GPC6: variants seen among roughly 807,000 people sequenced by gnomAD.
GPC6 encodes glypican-6.
A neutral mutation model predicts 55.2 loss-of-function variants in GPC6; 14 were observed. The ratio of observed to expected loss-of-function variants is 0.25; its 90% CI spans 0.17 to 0.40. GPC6 has a LOEUF of 0.40. Among genes scored for constraint, GPC6 ranks in the 10% least tolerant of loss-of-function variants. The pLI is 1.00. For missense variants in GPC6, 641 were observed against 708.5 expected (o/e 0.90, Z 1.08); for synonymous variants, 278 against 259.6 (o/e 1.07, Z -0.68).
Position 93,923,837 on chromosome 13 carries a change from T to C in GPC6, c.711+93292T>C, listed in dbSNP as rs1049332596. Among the ~76,000 whole-genome samples the C allele has an allele frequency of 7.2e-5, 11 of 152,348 alleles. No homozygotes were observed. The East Asian group carries it at 1.9e-3, about 27-fold the overall frequency. ...CAAAGTTATTTAAACTCAGCTCCCT[T>C]ATTTAGCATCTATTTATTACAGAGC... On this transcript the variant is annotated intron_variant, in intron 3 of 8. Transcript: ENST00000377047.
chr13:93,938,464 T>C (rs573209204), intron 3 of GPC6, among the ~76,000 whole-genome samples: 18 of 152,312 alleles, frequency 1.2e-4, no homozygotes, highest in Admixed American at 1.1e-3. Flanking sequence ...TACCATGTTA[T>C]TCTAACAATT....
At chr13:93,465,855 G>T (rs765890193) in intron 1 of GPC6, among the ~76,000 whole-genome samples, 1 of 152,108 alleles carries the variant, frequency 6.6e-6, no homozygotes, top group Non-Finnish European at 1.5e-5. Flanking sequence ...TCTTTAAAAT[G>T]AAAGAGGTAC....
chr13:93,241,472 T>A (rs1281696074), intron 1 of GPC6, among the ~76,000 whole-genome samples: 1 of 152,168 alleles, frequency 6.6e-6, no homozygotes, highest in Non-Finnish European at 1.5e-5. Flanking sequence ...CCTAAATGAG[T>A]CTTTCATTTC....
rs1348852595 is a variant in GPC6, at chr13:93,893,058, A to AT, written c.711+62513_711+62514insT. Among the ~76,000 whole-genome samples, 59 of 149,832 alleles carry AT rather than the reference A, an allele frequency of 3.9e-4. 1 individual carries two copies. The highest frequency in any genetic ancestry group is 1.4e-3 in the African/African-American group (55 of 39,512). On this transcript the variant is annotated intron_variant, in intron 3 of 8. Coordinates refer to ENST00000377047, the MANE Select transcript of GPC6 (RefSeq NM_005708.5). ...AAATTTTTGCCAGTAATAACCATTA[A>AT]ATTTTTTTTTTTTTTTTTGAGATGG...
intron 2 of GPC6, among the ~76,000 whole-genome samples, chr13:93,588,491 C>T (rs1161830905): frequency 6.6e-6 from 1 of 152,064 alleles, no homozygotes; most frequent in Non-Finnish European, 1.5e-5. Context: ...TATAAACCTA[C>T]CTTCCTGTAT....
intron 2 of GPC6, among the ~76,000 whole-genome samples, chr13:93,579,125 T>A (rs1594283623): frequency 6.6e-6 from 1 of 152,094 alleles, no homozygotes; most frequent in South Asian, 2.1e-4. Context: ...TGAAAAGAGG[T>A]TAATGGGTAT....
chr13:93,830,929 G>A (rs866258014), intron 3 of GPC6: 1 of 184,394 alleles, frequency 5.4e-6, no homozygotes, highest in South Asian at 1.1e-4. Flanking sequence ...AATCCTCTAG[G>A]GAGTCAAGAT....
intron 4 of GPC6, among the ~76,000 whole-genome samples, chr13:94,194,366 T>C (rs1203620280): frequency 1.3e-5 from 2 of 152,216 alleles, no homozygotes; most frequent in African/African-American, 2.4e-5. Flanking sequence ...TGCATTTTTT[T>C]CTGGCAACTC....
chr13:94,019,513 G>A (rs1026847221), intron 3 of GPC6, among the ~76,000 whole-genome samples: 10 of 152,072 alleles, frequency 6.6e-5, no homozygotes, highest in Non-Finnish European at 1.3e-4. Flanking sequence ...CCTCTCTCCC[G>A]GCTTCTGGCG....
intron 1 of GPC6, among the ~76,000 whole-genome samples, chr13:93,285,520 A>G (rs1878082056): frequency 6.6e-6 from 1 of 152,004 alleles, no homozygotes; most frequent in Admixed American, 6.6e-5. Context: ...TATTTAACAT[A>G]TTTTACCTTG....
At chr13:93,832,112 A>AT (rs1887527492) in intron 3 of GPC6, among the ~76,000 whole-genome samples, 1 of 65,380 alleles carries the variant, frequency 1.5e-5, no homozygotes, top group East Asian at 5.3e-4. Context: ...AAAAAAAAAA[A>AT]AAAAAAAAAA....
intron 5 of GPC6, among the ~76,000 whole-genome samples, chr13:94,289,149 A>G (rs909248899): frequency 6.6e-6 from 1 of 151,584 alleles, no homozygotes; most frequent in Non-Finnish European, 1.5e-5. Context: ...AAAAAAGGAA[A>G]TGCACCAGTG....
chr13:93,931,765 GAAAAAAAAA>G (rs545578327), intron 3 of GPC6, among the ~76,000 whole-genome samples: 2 of 49,712 alleles, frequency 4.0e-5, no homozygotes, highest in African/African-American at 6.8e-5. Flanking sequence ...CTCTGTCTCA[GAAAAAAAAA>G]AAAAAAAAAA....
intron 3 of GPC6, among the ~76,000 whole-genome samples, chr13:93,838,917 G>A (rs1324752390): frequency 6.6e-6 from 1 of 152,184 alleles, no homozygotes; most frequent in Non-Finnish European, 1.5e-5. Context: ...GCAAAGGATA[G>A]CAACATTTAT....
intron 2 of GPC6, among the ~76,000 whole-genome samples, chr13:93,616,031 T>G (rs896666637): frequency 1.3e-5 from 2 of 152,126 alleles, no homozygotes; most frequent in African/African-American, 4.8e-5. Flanking sequence ...AATGTAAATA[T>G]GTACTTGTAC....
intron 2 of GPC6, among the ~76,000 whole-genome samples, chr13:93,818,042 C>A (rs931160697): frequency 5.5e-5 from 8 of 146,606 alleles, no homozygotes; most frequent in Non-Finnish European, 1.0e-4. Context: ...TTTAATTATA[C>A]AGTATATATA....
chr13:94,229,571 G>C (rs973338682), intron 4 of GPC6, among the ~76,000 whole-genome samples: 1 of 152,148 alleles, frequency 6.6e-6, no homozygotes, highest in African/African-American at 2.4e-5. Context: ...CCAGCAACAA[G>C]AGTATGGTTG....
intron 3 of GPC6, among the ~76,000 whole-genome samples, chr13:93,903,348 T>C (rs1281814894): frequency 1.3e-5 from 2 of 152,212 alleles, no homozygotes; most frequent in Non-Finnish European, 2.9e-5. Context: ...TTTTACTTGA[T>C]CTTTATAACC....
intron 3 of GPC6, among the ~76,000 whole-genome samples, chr13:93,880,794 T>A (rs1874917756): frequency 6.6e-6 from 1 of 151,876 alleles, no homozygotes; most frequent in South Asian, 2.1e-4. Flanking sequence ...TGTACAAATT[T>A]ATTTAACCGT....
Sources: allele counts gnomAD v4.1 joint callset (sites outside exome capture counted in the v4.1 genomes callset), GRCh38; gene constraint gnomAD v4.1.1; transcripts MANE v1.5; gene names NCBI Gene and HGNC (gene_info 2026-07-23, HGNC 2026-07-21).